Variants in WASHC3 observed in about 807,000 individuals in gnomAD.
WASHC3 encodes the protein WASH complex subunit CCDC53.
WASHC3 carries 24 observed loss-of-function variants against 26.1 expected under a neutral mutation model. The observed-to-expected ratio is 0.92, with a 90% CI of 0.66 to 1.29. The LOEUF (loss-of-function observed/expected upper bound fraction) is 1.29, where lower values mean the gene tolerates loss of function less well. Among genes scored for constraint, WASHC3 ranks in the 50% most tolerant of loss-of-function variants. The pLI, the probability that WASHC3 is intolerant of heterozygous loss-of-function variation, is 0.00. For missense variants in WASHC3, 214 were observed against 229.6 expected, an observed-to-expected ratio of 0.93 and a Z score of 0.44; for synonymous variants, 77 against 75.7, an observed-to-expected ratio of 1.02 and a Z score of -0.09.
intron 2 of WASHC3, among the ~76,000 whole-genome samples, chr12:102,054,835 C>A (rs576876526): frequency 1.3e-5 from 2 of 151,598 alleles, no homozygotes; most frequent in Non-Finnish European, 2.9e-5. Flanking sequence ...AAATTAAAAA[C>A]GAAATTAAAA....
At chr12:102,038,574 A>T (rs1446465264) in intron 5 of WASHC3, among the ~76,000 whole-genome samples, 1 of 152,138 alleles carries the variant, frequency 6.6e-6, no homozygotes, top group East Asian at 1.9e-4. Context: ...CTATCTTTTA[A>T]GCTTAGGCTT....
intron 5 of WASHC3, among the ~76,000 whole-genome samples, chr12:102,039,127 G>GA (rs151151284): frequency 2.4e-5 from 2 of 84,272 alleles, no homozygotes; most frequent in African/African-American, 9.7e-5. Flanking sequence ...TATGGAGTTA[G>GA]GTTTTTTTTT....
At chr12:102,024,760 T>G (rs1877103023) in intron 6 of WASHC3, among the ~76,000 whole-genome samples, 1 of 152,148 alleles carries the variant, frequency 6.6e-6, no homozygotes, top group South Asian at 2.1e-4. Flanking sequence ...CAAAAGGAGG[T>G]CACAGTTAAT....
intron 5 of WASHC3, among the ~76,000 whole-genome samples, chr12:102,034,862 T>G (rs916303863): frequency 6.6e-6 from 1 of 151,138 alleles, no homozygotes; most frequent in Non-Finnish European, 1.5e-5. Flanking sequence ...AAGTAAATCT[T>G]GGGGACTGCT....
intron 5 of WASHC3, among the ~76,000 whole-genome samples, chr12:102,038,619 G>C (rs1267995845): frequency 2.6e-5 from 4 of 151,992 alleles, no homozygotes; most frequent in Non-Finnish European, 5.9e-5. Context: ...TGTTCATCAT[G>C]ATTCATACTT....
chr12:102,023,535 C>T (rs1166887822), intron 6 of WASHC3, among the ~76,000 whole-genome samples: 2 of 152,150 alleles, frequency 1.3e-5, no homozygotes, highest in African/African-American at 4.8e-5. Flanking sequence ...TCTTCTCTTT[C>T]ATCATCTCAT....
intron 3 of WASHC3, among the ~76,000 whole-genome samples, chr12:102,044,752 GAA>G (rs1027588128): frequency 1.3e-5 from 2 of 152,030 alleles, no homozygotes; most frequent in African/African-American, 4.8e-5. Context: ...ATTCACCACT[GAA>G]TGTTATTAAA....
At chr12:102,045,906 C>T in intron 3 of WASHC3, 148 bp downstream of exon 3, 2 of 554,786 alleles carry the variant, frequency 3.6e-6, no homozygotes, top group Non-Finnish European at 6.6e-6. Context: ...TTTGCAACTG[C>T]AGTAAAATTA....
At chr12:102,047,150 A>G (rs143241782) in intron 2 of WASHC3, among the ~76,000 whole-genome samples, 16 of 152,308 alleles carry the variant, frequency 1.1e-4, no homozygotes, top group Non-Finnish European at 1.6e-4. Context: ...AGTAAAGAAC[A>G]TTTACTTGAA....
chr12:102,061,543 C>A (rs560093476), intron 1 of WASHC3, among the ~76,000 whole-genome samples, 197 bp from the exon 2 acceptor site: 1 of 152,208 alleles, frequency 6.6e-6, no homozygotes, highest in Non-Finnish European at 1.5e-5. Context: ...AGTTTGAGAA[C>A]AGGCTCTAGA....
chr12:102,025,760 A>G (rs1877156010), intron 6 of WASHC3, among the ~76,000 whole-genome samples: 1 of 151,678 alleles, frequency 6.6e-6, no homozygotes, highest in African/African-American at 2.4e-5. Context: ...TTACTAATCT[A>G]TTGAAACTGT....
intron 6 of WASHC3, chr12:102,019,135 G>A (rs1372133186): frequency 6.4e-6 from 1 of 156,896 alleles, no homozygotes; most frequent in Non-Finnish European, 1.4e-5. Flanking sequence ...ATTGCCAGGA[G>A]AACAAAAGAA....
At chr12:102,038,988 C>G (rs1266729418) in intron 5 of WASHC3, among the ~76,000 whole-genome samples, 1 of 151,970 alleles carries the variant, frequency 6.6e-6, no homozygotes, top group Non-Finnish European at 1.5e-5. Context: ...GGGTCTTGCT[C>G]TGTCACCTAC....
chr12:102,062,057 G>C, upstream of WASHC3: 1 of 1,097,106 alleles, frequency 9.1e-7, no homozygotes, highest in Non-Finnish European at 1.3e-6. Flanking sequence ...TTCCCCCCAA[G>C]TGCCCGCCTC....
chr12:102,057,301 G>C (rs968423378), intron 2 of WASHC3, among the ~76,000 whole-genome samples: 1 of 152,148 alleles, frequency 6.6e-6, no homozygotes, highest in Non-Finnish European at 1.5e-5. Flanking sequence ...CAAGCCCACA[G>C]CTAGCATCAT....
At chr12:102,021,775 T>C (rs1876969604) in intron 6 of WASHC3, among the ~76,000 whole-genome samples, 1 of 152,142 alleles carries the variant, frequency 6.6e-6, no homozygotes, top group African/African-American at 2.4e-5. Context: ...GAGGTAAAGA[T>C]CCTCCTGGCA....
At chr12:102,046,881 C>A (rs1467813935) in intron 2 of WASHC3, among the ~76,000 whole-genome samples, 1 of 152,056 alleles carries the variant, frequency 6.6e-6, no homozygotes, top group Non-Finnish European at 1.5e-5. Flanking sequence ...TACTTAAATG[C>A]ATCAGCATAT....
chr12:102,045,241 C>A (rs1486124354), intron 3 of WASHC3, among the ~76,000 whole-genome samples: 1 of 152,080 alleles, frequency 6.6e-6, no homozygotes, highest in East Asian at 1.9e-4. Flanking sequence ...CTATCTTGAA[C>A]ATGTTCAAGA....
At chr12:102,039,173 G>C (rs184691701) in intron 5 of WASHC3, among the ~76,000 whole-genome samples, 102 of 118,004 alleles carry the variant, frequency 8.6e-4, no homozygotes, top group Middle Eastern at 5.4e-3. Context: ...AGGTGGTCTT[G>C]CTTTGTTGCC....
Sources: allele counts gnomAD v4.1 joint callset (sites outside exome capture counted in the v4.1 genomes callset), GRCh38; gene constraint gnomAD v4.1.1; transcripts MANE v1.5; gene names NCBI Gene and HGNC (gene_info 2026-07-23, HGNC 2026-07-21).